MOBP: variants seen among roughly 807,000 people sequenced by gnomAD.
MOBP encodes the protein myelin-associated oligodendrocyte basic protein.
Under a neutral mutation model 15.0 loss-of-function variants are expected in MOBP, and 5 were observed. The ratio of observed to expected loss-of-function variants is 0.33; its 90% CI spans 0.17 to 0.70. The LOEUF (loss-of-function observed/expected upper bound fraction) is 0.70, where lower values mean the gene tolerates loss of function less well. MOBP is among the 30% of genes least tolerant of loss of function. The pLI is 0.67. For synonymous variants in MOBP, 88 were observed against 99.0 expected, an observed-to-expected ratio of 0.89 and a Z score of 0.66; for missense variants, 188 against 257.8, an observed-to-expected ratio of 0.73 and a Z score of 1.85.
At chr3:39,520,948 C>CTT (rs561522506), downstream of MOBP, among the ~76,000 whole-genome samples, 2,302 of 147,638 alleles carry the variant, frequency 0.016, 44 homozygotes, top group African/African-American at 0.053. Context: ...GCTCTATATT[C>CTT]TTTTTTTTTT....
At chr3:39,496,222 C>T (rs374621200) in intron 2 of MOBP, among the ~76,000 whole-genome samples, 3 of 146,412 alleles carry the variant, frequency 2.0e-5, no homozygotes, top group East Asian at 2.0e-4. Flanking sequence ...TTTTTTGAGA[C>T]GGATCTTGCT....
downstream of MOBP, chr3:39,528,725 T>C (rs2043359999): frequency 6.6e-6 from 1 of 152,264 alleles, no homozygotes. Flanking sequence ...GTTCATTTGC[T>C]AGAAAATAAT....
At chr3:39,521,164 C>T (rs1222741960) in intron 3 of MOBP, among the ~76,000 whole-genome samples, 1 of 152,008 alleles carries the variant, frequency 6.6e-6, no homozygotes, top group South Asian at 2.1e-4. Flanking sequence ...TAGCCAGGTT[C>T]GCCTTGAACT....
intron 1 of MOBP, among the ~76,000 whole-genome samples, chr3:39,473,125 C>T (rs2042495002): frequency 6.6e-6 from 1 of 152,184 alleles, no homozygotes; most frequent in Admixed American, 6.5e-5. Context: ...GCAGGCCACT[C>T]TGGCTTCTGT....
Position 39,480,107 on chromosome 3 carries a change from T to C in MOBP, c.-21T>C, listed in dbSNP as rs1363655461. On this transcript the variant is annotated 5_prime_UTR_variant, in exon 2 of 4. Transcript: ENST00000684792. ...AACAGAGATCCAATCAGCAGATGTG[T>C]ACGGATGAAAATACAGGTACAAATG... The C allele has an allele frequency of 6.6e-6, 1 of 152,046 alleles. No individual in the cohort carries two copies. The allele number at this position is 152,046 out of a possible 1,614,324, so 9.4% of individuals were successfully genotyped here.
At chr3:39,498,343 T>C (rs2042916117) in intron 2 of MOBP, among the ~76,000 whole-genome samples, 1 of 151,984 alleles carries the variant, frequency 6.6e-6, no homozygotes, top group African/African-American at 2.4e-5. Context: ...GTTGTTGTTG[T>C]TTTTGTTTTT....
intron 4 of MOBP, among the ~76,000 whole-genome samples, chr3:39,512,603 A>C (rs183249392): frequency 1.9e-3 from 294 of 152,324 alleles, no homozygotes; most frequent in African/African-American, 6.2e-3. Context: ...CTGAGTATAA[A>C]TTTTATTTCT....
intron 2 of MOBP, among the ~76,000 whole-genome samples, chr3:39,484,360 C>T (rs993331210): frequency 6.6e-6 from 1 of 152,118 alleles, no homozygotes; most frequent in African/African-American, 2.4e-5. Flanking sequence ...AATTGAGAAA[C>T]AAGGACTTGG....
chr3:39,519,348 G>A (rs193117554), downstream of MOBP, among the ~76,000 whole-genome samples: 36 of 152,240 alleles, frequency 2.4e-4, no homozygotes, highest in Non-Finnish European at 3.7e-4. Context: ...AGATCATTAA[G>A]GATCTCTACT....
chr3:39,492,613 G>T (rs139335306), intron 2 of MOBP, among the ~76,000 whole-genome samples: 28 of 152,114 alleles, frequency 1.8e-4, no homozygotes, highest in African/African-American at 6.7e-4. Flanking sequence ...AATCAATCTC[G>T]ATTTGAATAA....
At chr3:39,469,337 A>C (rs1252841897) in intron 1 of MOBP, among the ~76,000 whole-genome samples, 1 of 149,758 alleles carries the variant, frequency 6.7e-6, no homozygotes, top group East Asian at 1.9e-4. Context: ...ATTTTAATTA[A>C]AATTTATTTT....
intron 4 of MOBP, among the ~76,000 whole-genome samples, chr3:39,511,164 G>T (rs1225438194): frequency 1.3e-5 from 2 of 152,216 alleles, no homozygotes; most frequent in African/African-American, 4.8e-5. Flanking sequence ...ATGAGAGATG[G>T]TTACCAAAGC....
intron 1 of MOBP, among the ~76,000 whole-genome samples, chr3:39,470,914 A>G (rs2042459908): frequency 6.6e-6 from 1 of 152,180 alleles, no homozygotes; most frequent in South Asian, 2.1e-4. Flanking sequence ...ACCAGAAGAT[A>G]TAATCAACAA....
chr3:39,526,794 G>A (rs1399038488), downstream of MOBP: 1 of 8,706 alleles, frequency 1.1e-4, no homozygotes, highest in African/African-American at 3.9e-4. Flanking sequence ...TTTTTTTTTT[G>A]AGATGGAGTT....
At chr3:39,499,860 T>A in intron 2 of MOBP, 1 of 362,206 alleles carries the variant, frequency 2.8e-6, no homozygotes, top group Non-Finnish European at 5.5e-6. Context: ...ACTGTGTATC[T>A]GCTTAGGTAT....
intron 1 of MOBP, among the ~76,000 whole-genome samples, chr3:39,468,979 C>CATATATACATGTGTGT (rs2042403367): frequency 9.9e-6 from 1 of 100,774 alleles, no homozygotes; most frequent in African/African-American, 5.6e-5. Context: ...TGTATATATA[C>CATATATACATGTGTGT]ATATATACAT....
exon 5 of MOBP, chr3:39,514,973 T>C (rs1326120276): frequency 2.4e-3 from 5 of 2,114 alleles, no homozygotes; most frequent in Non-Finnish European, 9.9e-3. Flanking sequence ...TGCGTGTGTG[T>C]GTGTGTGTGT....
At position 39,502,756 on chromosome 3, in the gene MOBP, T is replaced by C; in HGVS notation, c.428T>C (p.Val143Ala). 2 of 1,534,100 alleles carry C rather than the reference T, an allele frequency of 1.3e-6. No homozygotes were observed. Among genetic ancestry groups the C allele is most frequent in the Non-Finnish European group, 1.7e-6 (2 of 1,146,290 alleles). ...CGTCAGCCACGTCCCCGCCCAGAGGTCCGACCACCGCCAGCCAAGCAGCGT... is the reference window on the plus strand; with the variant it reads ...CGTCAGCCACGTCCCCGCCCAGAGGCCCGACCACCGCCAGCCAAGCAGCGT... Reference protein sequence around the residue: ...SERQPRPRPEVRPPPAKQRPP... With the variant: ...SERQPRPRPEARPPPAKQRPP... Residue 143 changes from valine to alanine, a missense_variant, in exon 4 of 4, where the codon GTC (valine) becomes GCC (alanine). Physicochemically the swap from Val to Ala is moderately conservative, Grantham distance 64. Around this residue, in one of 2 missense-constraint regions of MOBP, gnomAD observed 133 missense variants for 212.5 expected, o/e 0.63. Coordinates refer to ENST00000684792, the MANE Select transcript of MOBP (RefSeq NM_001393704.1). This position sits in a 1 kb window ranked among gnomAD's most constrained non-coding sequence, Gnocchi z 6.3.
At chr3:39,469,214 GTA>G (rs1246801933) in intron 1 of MOBP, among the ~76,000 whole-genome samples, 1 of 98,684 alleles carries the variant, frequency 1.0e-5, no homozygotes, top group Non-Finnish European at 1.8e-5. Context: ...ACATGTGTGT[GTA>G]TATACATATA....
Sources: gnomAD v4.1 joint callset for allele counts (sites outside exome capture counted in the v4.1 genomes callset) on GRCh38, gnomAD v4.1.1 for gene constraint, gnomAD v4.1.1 regional missense constraint, Gnocchi (gnomAD v3.1) non-coding constraint, MANE v1.5 for transcripts, NCBI Gene and HGNC (gene_info 2026-07-23, HGNC 2026-07-21) for gene names.